The following RGS6 variants were observed in gnomAD, a reference collection of about 807,000 sequenced individuals.
RGS6 encodes regulator of G-protein signaling 6.
A neutral mutation model predicts 78.5 loss-of-function variants in RGS6; 30 were observed. The ratio of observed to expected loss-of-function variants is 0.38; its 90% confidence interval spans 0.29 to 0.52. RGS6 has a LOEUF of 0.52. Among genes scored for constraint, RGS6 ranks in the 20% least tolerant of loss-of-function variants. RGS6 has a pLI of 0.85. For synonymous variants in RGS6, 206 were observed against 206.0 expected (o/e 1.00, Z 0.00); for missense variants, 495 against 609.7 (o/e 0.81, Z 1.98).
At chr14:72,319,443 G>A (rs182360152) in intron 2 of RGS6, among the ~76,000 whole-genome samples, 5 of 151,204 alleles carry the variant, frequency 3.3e-5, no homozygotes, top group African/African-American at 7.3e-5. Flanking sequence ...TCCACCTCCC[G>A]GGTTCACGCC....
At position 72,491,192 on chromosome 14, in the gene RGS6, T is replaced by G. The variant is rs950084289; in HGVS notation, c.855-3960T>G. Among the ~76,000 whole-genome samples, 14 of 152,350 alleles carry G rather than the reference T, an allele frequency of 9.2e-5. No individual in the cohort carries two copies. In the East Asian group the frequency reaches 2.7e-3, roughly 29 times the overall value. ...AGCTGGCAATGCTTAAGGAAAAATT[T>G]TATTGTGGATCGATAACCATAAAAA... On this transcript the variant is annotated intron_variant, in intron 12 of 17. Coordinates refer to ENST00000553525, the MANE Select transcript of RGS6 (RefSeq NM_001204424.2).
At chr14:72,087,626 A>G (rs72719807) in intron 2 of RGS6, among the ~76,000 whole-genome samples, 23,106 of 151,088 alleles carry the variant, frequency 0.15, 1,985 homozygotes, top group Non-Finnish European at 0.18. Flanking sequence ...TCAACAATAT[A>G]CTTTTTTTTT....
chr14:72,491,710 G>C (rs2096580299), intron 12 of RGS6, among the ~76,000 whole-genome samples: 1 of 152,174 alleles, frequency 6.6e-6, no homozygotes, highest in African/African-American at 2.4e-5. Flanking sequence ...AAAAGAAAGT[G>C]CATAGGGACA....
chr14:72,177,295 T>G (rs1011794302), intron 2 of RGS6, among the ~76,000 whole-genome samples: 1 of 152,210 alleles, frequency 6.6e-6, no homozygotes, highest in African/African-American at 2.4e-5. Flanking sequence ...TATTTGTATC[T>G]TTATATTTGA....
intron 2 of RGS6, among the ~76,000 whole-genome samples, chr14:72,085,030 T>C (rs760249216): frequency 2.6e-5 from 4 of 152,180 alleles, no homozygotes; most frequent in African/African-American, 7.2e-5. Context: ...TTGGGCAACA[T>C]TATCTTCATC....
At chr14:72,015,322 C>T (rs1302176695) in intron 2 of RGS6, among the ~76,000 whole-genome samples, 8 of 152,202 alleles carry the variant, frequency 5.3e-5, no homozygotes, top group Non-Finnish European at 1.5e-5. Flanking sequence ...AGGGCAGCAC[C>T]AAGCCATTCA....
chr14:72,425,864 G>C (rs999394233), intron 3 of RGS6, among the ~76,000 whole-genome samples: 1 of 152,078 alleles, frequency 6.6e-6, no homozygotes, highest in African/African-American at 2.4e-5. Flanking sequence ...ATTGCAAAAA[G>C]AAAATGGAAA....
intron 2 of RGS6, among the ~76,000 whole-genome samples, chr14:71,973,608 C>G (rs1279146830): frequency 6.6e-6 from 1 of 152,176 alleles, no homozygotes; most frequent in Non-Finnish European, 1.5e-5. Flanking sequence ...TCACTTGAGC[C>G]TGGGAGGCAG....
intron 2 of RGS6, among the ~76,000 whole-genome samples, chr14:72,180,501 T>C (rs149317): frequency 0.76 from 115,461 of 152,184 alleles, 44,085 homozygotes; most frequent in East Asian, 0.92. Context: ...ATCTCAGTCT[T>C]GGGTTATCAT....
chr14:71,966,235 G>A (rs1479120623), intron 2 of RGS6, among the ~76,000 whole-genome samples: 1 of 152,156 alleles, frequency 6.6e-6, no homozygotes, highest in Non-Finnish European at 1.5e-5. Context: ...TATGGGCAAT[G>A]TGGAACTAGA....
intron 17 of RGS6, among the ~76,000 whole-genome samples, chr14:72,545,156 G>A (rs2097375229): frequency 1.3e-5 from 2 of 152,380 alleles, no homozygotes; most frequent in South Asian, 2.1e-4. Flanking sequence ...TCTTTCCAAA[G>A]GGTTAGTTTT....
chr14:72,106,947 T>G (rs1002794313), intron 2 of RGS6, among the ~76,000 whole-genome samples: 5 of 152,148 alleles, frequency 3.3e-5, no homozygotes, highest in Non-Finnish European at 7.4e-5. Context: ...TTTCTTTTTT[T>G]CATCAGGAGG....
At chr14:72,526,379 A>G (rs899444754) in intron 15 of RGS6, among the ~76,000 whole-genome samples, 2 of 152,162 alleles carry the variant, frequency 1.3e-5, no homozygotes, top group African/African-American at 4.8e-5. Context: ...TGCTGGGATT[A>G]CAGGCATGAG....
At chr14:72,234,962 C>T (rs1246820834) in intron 2 of RGS6, among the ~76,000 whole-genome samples, 2 of 152,112 alleles carry the variant, frequency 1.3e-5, no homozygotes, top group Non-Finnish European at 2.9e-5. Context: ...CCTGATTTCC[C>T]ACCTCAGAGA....
intron 2 of RGS6, among the ~76,000 whole-genome samples, chr14:72,027,827 G>T (rs997525447): frequency 2.0e-5 from 3 of 152,112 alleles, no homozygotes. Flanking sequence ...TACAGAAAGC[G>T]GTAGATGCCA....
intron 2 of RGS6, among the ~76,000 whole-genome samples, chr14:71,968,731 T>C (rs2093653596): frequency 6.6e-6 from 1 of 152,218 alleles, no homozygotes; most frequent in Non-Finnish European, 1.5e-5. Flanking sequence ...TGAGTAGCCA[T>C]GGGGCACATT....
chr14:72,423,530 T>A (rs1370521969), intron 3 of RGS6, among the ~76,000 whole-genome samples: 2 of 152,206 alleles, frequency 1.3e-5, no homozygotes, highest in African/African-American at 4.8e-5. Flanking sequence ...GCAACAGGAA[T>A]GGAGCTGGAG....
At chr14:72,258,852 T>C (rs540865672) in intron 2 of RGS6, among the ~76,000 whole-genome samples, 2 of 152,270 alleles carry the variant, frequency 1.3e-5, no homozygotes, top group East Asian at 3.9e-4. Context: ...GGGTCTAAAA[T>C]GGGGTTAACA....
intron 2 of RGS6, among the ~76,000 whole-genome samples, chr14:72,045,619 A>G (rs1462837756): frequency 1.3e-5 from 2 of 151,692 alleles, no homozygotes; most frequent in Non-Finnish European, 2.9e-5. Context: ...ACATTCTGTA[A>G]TCTTAGGACT....
Sources: allele counts gnomAD v4.1 joint callset (sites outside exome capture counted in the v4.1 genomes callset), GRCh38; gene constraint gnomAD v4.1.1; transcripts MANE v1.5; gene names NCBI Gene and HGNC (gene_info 2026-07-23, HGNC 2026-07-21).